The following RNF13 variants were observed in gnomAD, a reference collection of about 807,000 sequenced individuals.
The protein encoded by RNF13 is E3 ubiquitin-protein ligase RNF13.
RNF13 carries 19 observed loss-of-function variants against 37.7 expected under a neutral mutation model. The observed-to-expected ratio is 0.50, with a 90% confidence interval of 0.35 to 0.74. The LOEUF (loss-of-function observed/expected upper bound fraction) is 0.74. Ranked by LOEUF, RNF13 falls within the 30% of genes least tolerant of loss-of-function variation. RNF13 has a pLI of 0.01. For missense variants in RNF13, 375 were observed against 453.0 expected (o/e 0.83, Z 1.56); for synonymous variants, 144 against 157.8 (o/e 0.91, Z 0.65).
At chr3:149,892,243 A>G (rs1305947294) in intron 4 of RNF13, among the ~76,000 whole-genome samples, 1 of 152,198 alleles carries the variant, frequency 6.6e-6, no homozygotes, top group Non-Finnish European at 1.5e-5. Flanking sequence ...TTTGTAGTGT[A>G]TTTATAGAAA....
chr3:149,959,249 T>C (rs1237766845), intron 8 of RNF13, among the ~76,000 whole-genome samples: 2 of 152,218 alleles, frequency 1.3e-5, no homozygotes, highest in African/African-American at 2.4e-5. Flanking sequence ...TGCTAGTTCC[T>C]GTGAACCAAG....
chr3:149,828,835 A>T (rs1298150655), intron 1 of RNF13, among the ~76,000 whole-genome samples: 3 of 152,146 alleles, frequency 2.0e-5, no homozygotes, highest in Non-Finnish European at 4.4e-5. Context: ...GAACTTTTTT[A>T]AAAGTCAAAT....
In RNF13 at chr3:149,960,633, C is replaced by T. The variant is rs981312097; in HGVS notation, c.782-107C>T. On this transcript the variant is annotated intron_variant, in intron 9 of 9. Transcript: ENST00000392894. ...AAAAATAAAAAATAAACTTTCTTCC[C>T]GTCCCTACATGATACATACAGAACA... 7.1e-5 allele frequency: 74 copies of T among 1,037,520 alleles called. No individual in the cohort carries two copies. In the African/African-American group the frequency reaches 1.1e-3, roughly 16 times the overall value. The allele number at this position is 1,037,520 out of a possible 1,614,324, so 64.3% of individuals were successfully genotyped here.
Position 149,939,446 on chromosome 3 carries a change from C to T in RNF13, c.700+18219C>T, listed in dbSNP as rs556246547. On this transcript the variant is annotated intron_variant, in intron 8 of 9. Transcript: ENST00000392894. ...TCTTCTGACTCTGCATCTTCCTCCACAGCTACTAAGTGCTGTCCACTAATA... is the reference window on the plus strand; with the variant it reads ...TCTTCTGACTCTGCATCTTCCTCCATAGCTACTAAGTGCTGTCCACTAATA... The T allele has an allele frequency of 7.3e-6, 4 of 549,896 alleles. No individual in the cohort carries two copies. The East Asian group carries it at 1.4e-4, about 19-fold the overall frequency. 34.1% of individuals were successfully genotyped at this position (549,896 alleles called of 1,614,324 possible). A position where few individuals can be genotyped will look rare whatever the true frequency, so the allele number is the denominator to read the frequency against.
At chr3:149,825,094 G>T (rs755077234) in intron 1 of RNF13, among the ~76,000 whole-genome samples, 1 of 151,624 alleles carries the variant, frequency 6.6e-6, no homozygotes, top group Non-Finnish European at 1.5e-5. Flanking sequence ...CAGTAGCTGG[G>T]ACTATAGGTG....
At chr3:149,873,279 A>G (rs1454397472) in intron 4 of RNF13, among the ~76,000 whole-genome samples, 2 of 152,352 alleles carry the variant, frequency 1.3e-5, no homozygotes, top group South Asian at 4.1e-4. Context: ...ATAATTAGAA[A>G]CTAGAATACT....
intron 6 of RNF13, among the ~76,000 whole-genome samples, chr3:149,906,315 A>C (rs1010751838): frequency 2.6e-5 from 4 of 151,794 alleles, no homozygotes; most frequent in African/African-American, 9.7e-5. Flanking sequence ...ACAAATTTTT[A>C]CATGTGCATA....
intron 1 of RNF13, among the ~76,000 whole-genome samples, chr3:149,826,207 A>C (rs1720488762): frequency 6.6e-6 from 1 of 152,220 alleles, no homozygotes; most frequent in Non-Finnish European, 1.5e-5. Flanking sequence ...CCATGGCATC[A>C]CAATTAATTA....
intron 1 of RNF13, among the ~76,000 whole-genome samples, chr3:149,817,921 C>T (rs931682751): frequency 2.0e-5 from 3 of 152,060 alleles, no homozygotes; most frequent in Non-Finnish European, 4.4e-5. Flanking sequence ...AAAAAGGGCT[C>T]AGGACTAAGT....
chr3:149,914,539 A>G (rs1052248087), intron 7 of RNF13, among the ~76,000 whole-genome samples: 1 of 152,220 alleles, frequency 6.6e-6, no homozygotes, highest in African/African-American at 2.4e-5. Context: ...TTGGAAAACC[A>G]GGAGTACAAG....
intron 1 of RNF13, among the ~76,000 whole-genome samples, chr3:149,828,280 G>A (rs963760097): frequency 6.6e-6 from 1 of 152,144 alleles, no homozygotes; most frequent in Non-Finnish European, 1.5e-5. Context: ...TTGTTTTGAT[G>A]ATTAGAAGGA....
intron 4 of RNF13, among the ~76,000 whole-genome samples, chr3:149,877,133 G>A (rs1712814264): frequency 6.6e-6 from 1 of 152,066 alleles, no homozygotes; most frequent in South Asian, 2.1e-4. Flanking sequence ...CTCTCTGTGA[G>A]AGAAAAATAT....
chr3:149,872,162 T>C lies in RNF13; in HGVS notation c.321+8T>C. ...TGTAATTTTGATATAAAGGTATGAT[T>C]ATCTTTTTTCATTTTTTGTTTCCTA... On this transcript the variant is annotated splice_region_variant and intron_variant, in intron 4 of 9. Transcript: ENST00000392894. 2.0e-6 allele frequency: 3 copies of C among 1,523,128 alleles called. No individual in the cohort carries two copies. The highest frequency in any genetic ancestry group is 2.7e-6 in the Non-Finnish European group (3 of 1,125,104). The allele number at this position is 1,523,128 out of a possible 1,614,324, so 94.4% of individuals were successfully genotyped here. A position where few individuals can be genotyped will look rare whatever the true frequency, so the allele number is the denominator to read the frequency against.
At chr3:149,856,085 A>G (rs1723616837) in intron 3 of RNF13, among the ~76,000 whole-genome samples, 1 of 151,828 alleles carries the variant, frequency 6.6e-6, no homozygotes, top group African/African-American at 2.4e-5. Context: ...CATTTAAAAG[A>G]TATGTTGATG....
chr3:149,940,325 A>C (rs1464153336), intron 8 of RNF13, among the ~76,000 whole-genome samples: 1 of 151,886 alleles, frequency 6.6e-6, no homozygotes, highest in African/African-American at 2.4e-5. Flanking sequence ...CCTAATTTCT[A>C]CCCTCCATCC....
intron 6 of RNF13, among the ~76,000 whole-genome samples, chr3:149,906,853 A>G (rs539951820): frequency 4.0e-5 from 6 of 151,846 alleles, no homozygotes; most frequent in African/African-American, 1.4e-4. Flanking sequence ...GGGTTTTGCC[A>G]TGTTGCCAAG....
intron 3 of RNF13, among the ~76,000 whole-genome samples, chr3:149,858,992 T>C (rs1723942325): frequency 6.6e-6 from 1 of 152,182 alleles, no homozygotes; most frequent in African/African-American, 2.4e-5. Flanking sequence ...GTTGTTTGGA[T>C]GTTTTATTTG....
chr3:149,948,412 G>A (rs1330697333), intron 8 of RNF13, among the ~76,000 whole-genome samples: 1 of 152,068 alleles, frequency 6.6e-6, no homozygotes, highest in Admixed American at 6.5e-5. Context: ...TTTTTTGTCT[G>A]TCTTACCGCT....
intron 1 of RNF13, among the ~76,000 whole-genome samples, chr3:149,818,143 G>T (rs1482965727): frequency 6.6e-6 from 1 of 152,130 alleles, no homozygotes; most frequent in Admixed American, 6.5e-5. Flanking sequence ...ACATTACTTG[G>T]ATCCTACTAC....
Sources: allele counts gnomAD v4.1 joint callset (sites outside exome capture counted in the v4.1 genomes callset), GRCh38; gene constraint gnomAD v4.1.1; transcripts MANE v1.5; gene names NCBI Gene and HGNC (gene_info 2026-07-23, HGNC 2026-07-21).